MGLL: variants seen among roughly 807,000 people sequenced by gnomAD.
The protein encoded by MGLL is monoglyceride lipase, also known as lysophospholipase homolog.
In MGLL, 7 loss-of-function variants were observed where a neutral mutation model predicts 29.1. The ratio of observed to expected loss-of-function variants is 0.24; its 90% CI spans 0.14 to 0.45. MGLL has a LOEUF of 0.45. Ranked by LOEUF, MGLL falls within the 20% of genes least tolerant of loss-of-function variation. The pLI is 0.99. For missense variants in MGLL, 356 were observed against 413.6 expected, an observed-to-expected ratio of 0.86 and a Z score of 1.21; for synonymous variants, 148 against 168.3, an observed-to-expected ratio of 0.88 and a Z score of 0.93.
intron 3 of MGLL, among the ~76,000 whole-genome samples, chr3:127,730,560 T>A (rs1254486946): frequency 6.6e-6 from 1 of 152,110 alleles, no homozygotes; most frequent in South Asian, 2.1e-4. Flanking sequence ...ATTCCCTAAA[T>A]GCAGGTGCAG....
At chr3:127,787,894 T>G (rs1425588409) in intron 2 of MGLL, among the ~76,000 whole-genome samples, 2 of 152,220 alleles carry the variant, frequency 1.3e-5, no homozygotes, top group Non-Finnish European at 2.9e-5. Flanking sequence ...TGGATCCCTT[T>G]CCAGTAACTA....
intron 6 of MGLL, among the ~76,000 whole-genome samples, chr3:127,700,819 G>A (rs559079165): frequency 1.9e-4 from 29 of 152,330 alleles, no homozygotes; most frequent in African/African-American, 5.5e-4. Flanking sequence ...GCGTGCACAC[G>A]TGGAAAGCCC....
chr3:127,760,612 G>A (rs555105469), intron 3 of MGLL, among the ~76,000 whole-genome samples: 4 of 152,220 alleles, frequency 2.6e-5, no homozygotes, highest in South Asian at 2.1e-4. Flanking sequence ...GAGCCGCTGC[G>A]GCACTTCTGT....
chr3:127,797,426 T>C (rs1325431975), intron 2 of MGLL, among the ~76,000 whole-genome samples: 1 of 152,138 alleles, frequency 6.6e-6, no homozygotes, highest in Non-Finnish European at 1.5e-5. Flanking sequence ...TGCAGCCTAT[T>C]TTCTGAGCTG....
chr3:127,693,634 C>T (rs1255303057), intron 7 of MGLL, among the ~76,000 whole-genome samples: 1 of 152,124 alleles, frequency 6.6e-6, no homozygotes, highest in African/African-American at 2.4e-5. Context: ...TGCTGCTTTC[C>T]CCCTGTCCCC....
intron 2 of MGLL, among the ~76,000 whole-genome samples, chr3:127,792,212 G>A (rs115304429): frequency 0.011 from 1,747 of 152,170 alleles, 42 homozygotes; most frequent in South Asian, 0.094. Context: ...ACCCATCCAC[G>A]TTTTTTTCTT....
At position 127,766,927 on chromosome 3, in the gene MGLL, C is replaced by T. The variant is rs368941044; in HGVS notation, c.262+14862G>A. Among the ~76,000 whole-genome samples the T allele has an allele frequency of 1.5e-4, 23 of 152,072 alleles. No individual in the cohort carries two copies. In the South Asian group the frequency reaches 4.6e-3, roughly 30 times the overall value. ...CTCTACAAAAAATACAAAAATTAGC[C>T]GAGTGTGTTGGCATGCCCCTGTAAT... On this transcript the variant is annotated intron_variant, in intron 3 of 7. Coordinates refer to ENST00000265052, the MANE Select transcript of MGLL (RefSeq NM_007283.7).
intron 2 of MGLL, among the ~76,000 whole-genome samples, chr3:127,804,752 A>G (rs1170875971): frequency 1.3e-5 from 2 of 152,216 alleles, no homozygotes; most frequent in Non-Finnish European, 2.9e-5. Flanking sequence ...TGAAGAAGAA[A>G]TGGTAATAGT....
intron 2 of MGLL, among the ~76,000 whole-genome samples, chr3:127,813,044 T>C (rs1301655265): frequency 6.6e-6 from 1 of 152,236 alleles, no homozygotes; most frequent in Non-Finnish European, 1.5e-5. Context: ...ACTAAAGGTT[T>C]TTAATCTCTA....
chr3:127,781,253 T>C (rs1480244749), intron 3 of MGLL, among the ~76,000 whole-genome samples: 3 of 152,222 alleles, frequency 2.0e-5, no homozygotes, highest in African/African-American at 4.8e-5. Context: ...TGTGTATGTA[T>C]ATGTGTATGT....
In MGLL at chr3:127,692,312, A is replaced by C. The variant is rs1236128231; in HGVS notation, c.828T>G (p.Gly276=). ...GCTCCTTGTGGAGAACATGGTAGGC[A>C]CCTTCATAAATCTGCAATGAGGAGA... The part of the protein sequence containing the change: ...SQDKTLKIYE[G]AYHVLHKELP... Residue 276 remains glycine (G), a synonymous_variant, in exon 8 of 8, where the codon GGT becomes GGG. Coordinates refer to ENST00000265052, the MANE Select transcript of MGLL (RefSeq NM_007283.7). 6.2e-7 allele frequency: 1 copy of C among 1,614,064 alleles called. No homozygotes were observed. Among genetic ancestry groups the C allele is most frequent in the Non-Finnish European group, 8.5e-7 (1 of 1,179,990 alleles).
At chr3:127,697,970 A>G (rs7634643) in intron 6 of MGLL, among the ~76,000 whole-genome samples, 47,561 of 152,136 alleles carry the variant, frequency 0.31, 7,541 homozygotes, top group Middle Eastern at 0.54. Flanking sequence ...TTCCTGCAGC[A>G]GGCCTGCTGC....
chr3:127,750,412 C>T (rs565924557), intron 3 of MGLL, among the ~76,000 whole-genome samples: 6 of 152,288 alleles, frequency 3.9e-5, no homozygotes, highest in East Asian at 1.9e-4. Flanking sequence ...TCTCCCGTCA[C>T]GCTTCAAAGG....
At chr3:127,728,760 T>C (rs2076092864) in intron 3 of MGLL, among the ~76,000 whole-genome samples, 1 of 152,264 alleles carries the variant, frequency 6.6e-6, no homozygotes, top group Non-Finnish European at 1.5e-5. Context: ...ATTGCTTGGC[T>C]GAAATGTAAA....
At chr3:127,815,743 C>T (rs1393499942) in intron 2 of MGLL, among the ~76,000 whole-genome samples, 3 of 152,232 alleles carry the variant, frequency 2.0e-5, no homozygotes, top group African/African-American at 7.2e-5. Context: ...CAGCCTCTGC[C>T]CAGTGGGCAC....
chr3:127,710,801 C>T (rs1228829997), intron 5 of MGLL, 136 bp from the exon 6 acceptor site: 19 of 790,288 alleles, frequency 2.4e-5, no homozygotes, highest in Non-Finnish European at 3.7e-5. Context: ...CCCAAGCCTG[C>T]GTCCTTAAGC....
chr3:127,776,583 C>T (rs886581193), intron 3 of MGLL, among the ~76,000 whole-genome samples: 2 of 152,206 alleles, frequency 1.3e-5, no homozygotes, highest in African/African-American at 2.4e-5. Context: ...CACACCCCTT[C>T]CTGAGCTGCG....
At chr3:127,818,643 A>C (rs546344409) in intron 2 of MGLL, among the ~76,000 whole-genome samples, 1 of 152,216 alleles carries the variant, frequency 6.6e-6, no homozygotes, top group African/African-American at 2.4e-5. Context: ...CCTATAAAGA[A>C]GAAATCTGTC....
In MGLL at chr3:127,812,182, T is replaced by C. The variant is rs1190547210; in HGVS notation, c.155+9512A>G. Among the ~76,000 whole-genome samples, 4 of 152,352 alleles carry C rather than the reference T, an allele frequency of 2.6e-5. No individual in the cohort carries two copies. The East Asian group carries it at 7.7e-4, about 29-fold the overall frequency. ...GACTGGATGCTCTAAGGAAGGCTTA[T>C]TTAAGTTGACTTCCAGCTATAATAG... On this transcript the variant is annotated intron_variant, in intron 2 of 7. Coordinates refer to ENST00000265052, the MANE Select transcript of MGLL (RefSeq NM_007283.7).
Sources: gnomAD v4.1 joint callset for allele counts (sites outside exome capture counted in the v4.1 genomes callset) on GRCh38, gnomAD v4.1.1 for gene constraint, MANE v1.5 for transcripts, NCBI Gene and HGNC (gene_info 2026-07-23, HGNC 2026-07-21) for gene names.